Variants in PRKCB observed in about 807,000 individuals in gnomAD.
PRKCB encodes protein kinase C beta type.
A neutral mutation model predicts 81.5 loss-of-function variants in PRKCB; 13 were observed. The ratio of observed to expected loss-of-function variants is 0.16; its 90% CI spans 0.10 to 0.25. The LOEUF (loss-of-function observed/expected upper bound fraction) is 0.25. PRKCB is among the 10% of genes least tolerant of loss of function. PRKCB has a pLI of 1.00. For missense variants in PRKCB, 509 were observed against 875.7 expected, an observed-to-expected ratio of 0.58 and a Z score of 5.29; for synonymous variants, 335 against 321.4, an observed-to-expected ratio of 1.04 and a Z score of -0.45.
chr16:24,062,099 C>T (rs1198947564), intron 5 of PRKCB, among the ~76,000 whole-genome samples: 1 of 152,160 alleles, frequency 6.6e-6, no homozygotes, highest in Admixed American at 6.5e-5. Flanking sequence ...TATCTCATTA[C>T]TAATTGTATC....
chr16:24,042,743 A>ATTTT lies in PRKCB; in HGVS notation c.529+7207_529+7210dup, dbSNP rs4039567. Among the ~76,000 whole-genome samples the ATTTT allele has an allele frequency of 1.1e-3, 158 of 144,572 alleles. 3 individuals carry two copies. Among genetic ancestry groups the ATTTT allele is most frequent in the East Asian group, 1.8e-3 (9 of 4,878 alleles). The allele number at this position is 144,572 out of a possible 152,430, so 94.8% of individuals were successfully genotyped here. On this transcript the variant is annotated intron_variant, in intron 5 of 16. Transcript: ENST00000643927. ...ATGTACATACAATGATACATACAAA[A>ATTTT]TTTTTTTTTTTTTTGAGACAGTCTC...
chr16:24,200,562 TAC>T (rs1359145679), intron 16 of PRKCB, among the ~76,000 whole-genome samples: 1 of 152,230 alleles, frequency 6.6e-6, no homozygotes, highest in Admixed American at 6.5e-5. Context: ...ATTTATTTCT[TAC>T]AGTTCTGGAG....
intron 3 of PRKCB, among the ~76,000 whole-genome samples, chr16:24,017,811 C>A (rs541447541): frequency 7.2e-4 from 109 of 151,856 alleles, no homozygotes; most frequent in Non-Finnish European, 1.1e-3. Flanking sequence ...TTCGCTGTAG[C>A]CTTGAACTCC....
intron 15 of PRKCB, among the ~76,000 whole-genome samples, 171 bp from the exon 16 acceptor site, chr16:24,190,905 TATCAGGTCCTCTCC>T (rs1424936530): frequency 1.3e-5 from 2 of 152,186 alleles, no homozygotes; most frequent in Non-Finnish European, 2.9e-5. Flanking sequence ...TGGGTCCTAT[TATCAGGTCCTCTCC>T]TGCAAATTCC....
chr16:24,141,500 C>A (rs1049875741), intron 9 of PRKCB, among the ~76,000 whole-genome samples: 4 of 152,156 alleles, frequency 2.6e-5, no homozygotes, highest in Non-Finnish European at 5.9e-5. Flanking sequence ...CCGGCCAAGA[C>A]CTCCTGTTTG....
intron 2 of PRKCB, among the ~76,000 whole-genome samples, chr16:23,846,587 C>T (rs531402485): frequency 1.8e-4 from 21 of 115,258 alleles, no homozygotes; most frequent in East Asian, 6.0e-4. Flanking sequence ...TCCAGCCTGG[C>T]GACAGAGCGA....
chr16:23,962,911 C>T (rs970300687), intron 2 of PRKCB: 14 of 152,124 alleles, frequency 9.2e-5, no homozygotes, highest in Non-Finnish European at 1.8e-4. Context: ...CCACCATTCC[C>T]CGGAGTCCTC....
chr16:24,068,971 G>T (rs982913215), intron 5 of PRKCB, among the ~76,000 whole-genome samples: 1 of 152,202 alleles, frequency 6.6e-6, no homozygotes, highest in African/African-American at 2.4e-5. Context: ...TAACAAAGTA[G>T]CACATAGTGA....
At chr16:24,049,059 T>G (rs1490168947) in intron 5 of PRKCB, among the ~76,000 whole-genome samples, 4 of 140,206 alleles carry the variant, frequency 2.9e-5, no homozygotes, top group South Asian at 4.9e-4. Context: ...TTTTTTTTTT[T>G]TTTTTTTTTT....
intron 2 of PRKCB, among the ~76,000 whole-genome samples, chr16:23,875,633 T>TCA (rs1184800966): frequency 0.015 from 1,424 of 93,320 alleles, 230 homozygotes; most frequent in Middle Eastern, 0.023. Flanking sequence ...TGTATGTATA[T>TCA]CACACATATA....
chr16:24,190,903 A>C (rs1049339724), intron 15 of PRKCB, among the ~76,000 whole-genome samples, 187 bp from the exon 16 acceptor site: 1 of 152,142 alleles, frequency 6.6e-6, no homozygotes, highest in Non-Finnish European at 1.5e-5. Flanking sequence ...AGTGGGTCCT[A>C]TTATCAGGTC....
chr16:24,115,227 GGACTTT>G (rs74933653), intron 8 of PRKCB, among the ~76,000 whole-genome samples: 7 of 110,822 alleles, frequency 6.3e-5, no homozygotes, highest in South Asian at 5.9e-4. Context: ...TTTATCCCAA[GGACTTT>G]AGCATTTATC....
intron 2 of PRKCB, among the ~76,000 whole-genome samples, chr16:23,982,630 T>A (rs1596498033): frequency 6.6e-6 from 1 of 151,904 alleles, no homozygotes; most frequent in East Asian, 1.9e-4. Flanking sequence ...AGTCTTGCCA[T>A]GTTGCCCAGG....
intron 9 of PRKCB, among the ~76,000 whole-genome samples, chr16:24,150,956 C>T (rs1055750564): frequency 2.0e-5 from 3 of 152,254 alleles, no homozygotes; most frequent in Non-Finnish European, 4.4e-5. Context: ...CTTCACACAC[C>T]CCTGTTTATT....
chr16:24,017,115 G>T (rs1337148383), intron 3 of PRKCB, among the ~76,000 whole-genome samples: 2 of 152,164 alleles, frequency 1.3e-5, no homozygotes, highest in African/African-American at 2.4e-5. Context: ...GGGTATAAAG[G>T]TGTGTGCCTC....
intron 7 of PRKCB, among the ~76,000 whole-genome samples, chr16:24,094,809 GAGGA>G (rs71154277): frequency 0.064 from 7,446 of 116,664 alleles, 383 homozygotes; most frequent in East Asian, 0.16. Context: ...GGAAGGGAGG[GAGGA>G]AGGAAGGAAG....
At chr16:24,034,039 G>C (rs548870495) in intron 4 of PRKCB, among the ~76,000 whole-genome samples, 1 of 152,284 alleles carries the variant, frequency 6.6e-6, no homozygotes, top group East Asian at 1.9e-4. Context: ...AGAGACAAGA[G>C]ACATGCAGCA....
At chr16:24,020,339 T>C (rs1004995022) in intron 3 of PRKCB, among the ~76,000 whole-genome samples, 1 of 152,208 alleles carries the variant, frequency 6.6e-6, no homozygotes, top group African/African-American at 2.4e-5. Flanking sequence ...CAAGTAAATA[T>C]TATGTTGGTG....
intron 2 of PRKCB, among the ~76,000 whole-genome samples, chr16:23,872,059 C>T (rs1406294826): frequency 6.6e-6 from 1 of 152,210 alleles, no homozygotes; most frequent in Non-Finnish European, 1.5e-5. Flanking sequence ...GAACATGCTA[C>T]ATCAAGGCCT....
Sources: gnomAD v4.1 joint callset for allele counts (sites outside exome capture counted in the v4.1 genomes callset) on GRCh38, gnomAD v4.1.1 for gene constraint, MANE v1.5 for transcripts, NCBI Gene and HGNC (gene_info 2026-07-23, HGNC 2026-07-21) for gene names.